The following PRORP variants were observed in gnomAD, a reference collection of about 807,000 sequenced individuals.
PRORP encodes mitochondrial ribonuclease P catalytic subunit.
A neutral mutation model predicts 59.4 loss-of-function variants in PRORP; 51 were observed. The observed-to-expected ratio is 0.86, with a 90% CI of 0.69 to 1.08. The LOEUF (loss-of-function observed/expected upper bound fraction) is 1.08, where lower values mean the gene tolerates loss of function less well. Among genes scored for constraint, PRORP ranks in the 50% least tolerant of loss-of-function variants. The pLI, the probability that PRORP is intolerant of heterozygous loss-of-function variation, is 0.00. For missense variants in PRORP, 646 were observed against 690.3 expected (o/e 0.94, Z 0.72); for synonymous variants, 231 against 245.6 (o/e 0.94, Z 0.55).
intron 4 of PRORP, among the ~76,000 whole-genome samples, chr14:35,133,398 A>G (rs1372062861): frequency 2.6e-5 from 4 of 151,936 alleles, no homozygotes; most frequent in Admixed American, 2.6e-4. Flanking sequence ...TATCTGGTAG[A>G]ATTCTGAATT....
intron 6 of PRORP, among the ~76,000 whole-genome samples, chr14:35,268,872 G>T (rs1594362393): frequency 6.6e-6 from 1 of 152,304 alleles, no homozygotes; most frequent in East Asian, 1.9e-4. Context: ...AGGATTACAG[G>T]CATGAGCCAC....
intron 5 of PRORP, chr14:35,262,956 G>T (rs2050942910): frequency 1.9e-6 from 3 of 1,598,866 alleles, no homozygotes; most frequent in Admixed American, 3.3e-5. Context: ...AGCCACGACA[G>T]TTAAAAACAA....
At chr14:35,148,296 TGGG>T (rs2047659575) in intron 4 of PRORP, among the ~76,000 whole-genome samples, 1 of 152,242 alleles carries the variant, frequency 6.6e-6, no homozygotes, top group African/African-American at 2.4e-5. Context: ...CTTTTATCCA[TGGG>T]CTTTAGAATG....
intron 4 of PRORP, chr14:35,158,017 C>G (rs970743013): frequency 3.2e-5 from 7 of 221,964 alleles, no homozygotes; most frequent in African/African-American, 1.6e-4. Flanking sequence ...TGTTTCTTCT[C>G]TAATTCTTTG....
At chr14:35,126,933 A>G in intron 3 of PRORP, 151 bp downstream of exon 3, 1 of 643,066 alleles carries the variant, frequency 1.6e-6, no homozygotes, top group South Asian at 2.0e-5. Flanking sequence ...CTTTGCATAC[A>G]GAGACTTAGC....
In PRORP at chr14:35,235,475, A is replaced by G. The variant is rs540215526; in HGVS notation, c.1276-31252A>G. On this transcript the variant is annotated intron_variant, in intron 5 of 7. Transcript: ENST00000534898. The stretch of plus-strand genomic sequence containing the variant: ...ATGACACAAGGCAAGCAGGAAGACA[A>G]CTAGCTTGATGGGATCCACTTCATG... 5.7e-4 allele frequency: 360 copies of G among 636,634 alleles called. 1 individual carries two copies. Among genetic ancestry groups the G allele is most frequent in the South Asian group, 3.3e-3 (220 of 66,862 alleles). 39.4% of individuals were successfully genotyped at this position (636,634 alleles called of 1,614,324 possible). A position where few individuals can be genotyped will look rare whatever the true frequency, so the allele number is the denominator to read the frequency against.
At chr14:35,230,900 T>C (rs543967836) in intron 5 of PRORP, among the ~76,000 whole-genome samples, 2 of 151,522 alleles carry the variant, frequency 1.3e-5, no homozygotes, top group South Asian at 4.2e-4. Flanking sequence ...AGAAATGTTA[T>C]GCAGTATGCC....
At position 35,123,745 on chromosome 14, in the gene PRORP, C is replaced by A. The variant is rs1054880130; in HGVS notation, c.500C>A (p.Ala167Asp). ...AAATCTCTGCTGGCATGGGTAGCAG[C>A]CAAAAATAATGGTATTGTAAGTTAC... ...VAKSLLAWVA[A>D]KNNGIVSYDL... The change falls in exon 2 of 8, where the codon GCC (alanine) becomes GAC (aspartate). Residue 167 changes from alanine to aspartate, a missense_variant. Transcript: ENST00000534898. 10 of 1,614,048 alleles carry A rather than the reference C, an allele frequency of 6.2e-6. No individual in the cohort carries two copies. In the African/African-American group the frequency reaches 1.3e-4, roughly 22 times the overall value.
upstream of PRORP, chr14:35,122,288 C>T (rs2046935934): frequency 3.0e-6 from 1 of 330,680 alleles, no homozygotes; most frequent in African/African-American, 2.1e-5. Flanking sequence ...GGCGCGTGCG[C>T]ACCACGTGAC....
intron 5 of PRORP, among the ~76,000 whole-genome samples, chr14:35,214,289 G>A (rs2049529229): frequency 6.6e-6 from 1 of 152,164 alleles, no homozygotes; most frequent in African/African-American, 2.4e-5. Context: ...GTAGCCATTT[G>A]TAAACCAGCC....
At chr14:35,169,864 C>T (rs561964181) in intron 4 of PRORP, among the ~76,000 whole-genome samples, 4 of 152,196 alleles carry the variant, frequency 2.6e-5, no homozygotes, top group African/African-American at 4.8e-5. Flanking sequence ...GATTTGTCTT[C>T]GAAGTCCTCA....
At position 35,266,754 on chromosome 14, in the gene PRORP, A is replaced by G. The variant is rs567620164; in HGVS notation, c.1303A>G (p.Lys435Glu). 5.6e-6 allele frequency: 9 copies of G among 1,614,110 alleles called. No homozygotes were observed. The highest frequency in any genetic ancestry group is 2.2e-5 in the South Asian group (2 of 91,086). ...CTTGAATGTCGTCTCTCAACTAGCC[A>G]AACGGAATCTGCGACTGCTGGTCCT... is the stretch of plus-strand genomic sequence containing the variant. ...LLLNVVSQLAKRNLRLLVLGR... is the reference protein window; with the variant it reads ...LLLNVVSQLAERNLRLLVLGR... Residue 435 changes from lysine (K) to glutamate (E), a missense_variant, in exon 6 of 8, where the codon AAA becomes GAA. By Grantham distance (56) the Lys-to-Glu change is moderately conservative. Transcript: ENST00000534898.
In PRORP at chr14:35,274,537, A is replaced by T. The variant is rs1044269715; in HGVS notation, c.*971A>T. The T allele has an allele frequency of 1.3e-5, 2 of 152,146 alleles. No homozygotes were observed. Among genetic ancestry groups the T allele is most frequent in the Admixed American group, 6.6e-5 (1 of 15,264 alleles). The allele number at this position is 152,146 out of a possible 1,614,324, so 9.4% of individuals were successfully genotyped here. A position where few individuals can be genotyped will look rare whatever the true frequency, so the allele number is the denominator to read the frequency against. ...GTAGTTTGCACACATAGTCCCAGCT[A>T]CTTTGGGGGCTGAGGTAGGAGGATT... On this transcript the variant is annotated 3_prime_UTR_variant, in exon 8 of 8. Transcript: ENST00000534898.
At chr14:35,257,950 A>G (rs1371442366) in intron 5 of PRORP, among the ~76,000 whole-genome samples, 1 of 152,078 alleles carries the variant, frequency 6.6e-6, no homozygotes, top group Non-Finnish European at 1.5e-5. Flanking sequence ...GCATCCCTAC[A>G]CAGTTATTTC....
At chr14:35,203,027 G>T (rs1472519822) in intron 5 of PRORP, among the ~76,000 whole-genome samples, 2 of 151,350 alleles carry the variant, frequency 1.3e-5, no homozygotes, top group Non-Finnish European at 2.9e-5. Context: ...ATGTATTTGT[G>T]TAGTGTTAAA....
intron 5 of PRORP, among the ~76,000 whole-genome samples, chr14:35,231,517 A>G (rs2050081509): frequency 6.6e-6 from 1 of 152,222 alleles, no homozygotes; most frequent in South Asian, 2.1e-4. Context: ...TACATGAGCT[A>G]TGCCAGATAA....
chr14:35,219,280 A>G (rs1017600512), intron 5 of PRORP: 3 of 152,266 alleles, frequency 2.0e-5, no homozygotes, highest in Non-Finnish European at 2.9e-5. Flanking sequence ...GCAGTCAGGA[A>G]CATGGTGCAT....
At chr14:35,221,957 A>G (rs1012824245) in intron 5 of PRORP, among the ~76,000 whole-genome samples, 9 of 151,980 alleles carry the variant, frequency 5.9e-5, no homozygotes, top group Admixed American at 2.6e-4. Context: ...GGAAGTAACT[A>G]TTTTTTTCAG....
intron 4 of PRORP, among the ~76,000 whole-genome samples, chr14:35,141,482 G>T (rs1259390465): frequency 2.1e-5 from 3 of 144,300 alleles, no homozygotes; most frequent in African/African-American, 7.4e-5. Flanking sequence ...TGCCTAGGCT[G>T]GTCTTGAACT....
Sources: gnomAD v4.1 joint callset for allele counts (sites outside exome capture counted in the v4.1 genomes callset) on GRCh38, gnomAD v4.1.1 for gene constraint, MANE v1.5 for transcripts, NCBI Gene and HGNC (gene_info 2026-07-23, HGNC 2026-07-21) for gene names.